The following FNBP1 variants were observed in gnomAD, a reference collection of about 807,000 sequenced individuals.
FNBP1 encodes the protein formin binding protein 1, also known as formin-binding protein 1.
Under a neutral mutation model 90.6 loss-of-function variants are expected in FNBP1, and 26 were observed. The observed-to-expected ratio is 0.29, with a 90% CI of 0.21 to 0.40. The LOEUF (loss-of-function observed/expected upper bound fraction) is 0.40, where lower values mean the gene tolerates loss of function less well. Among genes scored for constraint, FNBP1 ranks in the 10% least tolerant of loss-of-function variants. The pLI is 1.00. For missense variants in FNBP1, 635 were observed against 768.0 expected, an observed-to-expected ratio of 0.83 and a Z score of 2.05; for synonymous variants, 260 against 265.2, an observed-to-expected ratio of 0.98 and a Z score of 0.19.
chr9:129,917,800 CCTGA>C (rs1418805351), intron 10 of FNBP1, among the ~76,000 whole-genome samples: 1 of 152,160 alleles, frequency 6.6e-6, no homozygotes, highest in African/African-American at 2.4e-5. Context: ...CAGTCACATT[CCTGA>C]CTGTCTGACA....
rs571919126 is a variant in FNBP1, at chr9:130,036,088, C to G, written c.24+6864G>C. On this transcript the variant is annotated intron_variant, in intron 1 of 16. Coordinates refer to ENST00000446176, the MANE Select transcript of FNBP1 (RefSeq NM_015033.3). ...AGCTAGTATGAGTGTACAAGTAAAA[C>G]AGGAAACAAATATTCCTTTATAAAC... Among the ~76,000 whole-genome samples the G allele has an allele frequency of 3.9e-5, 6 of 152,056 alleles. No homozygotes were observed. The East Asian group carries it at 9.7e-4, about 24-fold the overall frequency.
upstream of FNBP1, chr9:130,043,197 G>T (rs960786325): frequency 8.3e-5 from 30 of 362,834 alleles, no homozygotes; most frequent in Admixed American, 4.7e-4. Flanking sequence ...CGCGGCCGCC[G>T]CAGCGCCCGC....
chr9:129,970,048 C>T (rs140535653), intron 4 of FNBP1, among the ~76,000 whole-genome samples: 173 of 150,856 alleles, frequency 1.1e-3, no homozygotes, highest in Middle Eastern at 3.4e-3. Flanking sequence ...CCCACCACGC[C>T]TGGCTAAGTT....
upstream of FNBP1, among the ~76,000 whole-genome samples, chr9:130,046,824 G>A (rs2060063465): frequency 4.0e-5 from 6 of 150,584 alleles, no homozygotes; most frequent in South Asian, 1.3e-3. Flanking sequence ...TGCCCAGAGA[G>A]GGCACAGAAG....
At chr9:129,993,507 G>A (rs1027185287) in intron 2 of FNBP1, among the ~76,000 whole-genome samples, 3 of 151,228 alleles carry the variant, frequency 2.0e-5, no homozygotes, top group Non-Finnish European at 4.4e-5. Flanking sequence ...AGAGACAGGG[G>A]GCTCACTATG....
the FNBP1 span, among the ~76,000 whole-genome samples, chr9:130,051,978 T>C: frequency 6.6e-6 from 1 of 152,212 alleles, no homozygotes; most frequent in Admixed American, 6.5e-5. Context: ...GCATAACTTG[T>C]TCTGTTACTC....
intron 12 of FNBP1, among the ~76,000 whole-genome samples, chr9:129,903,277 C>T (rs1200293597): frequency 6.6e-6 from 1 of 152,146 alleles, no homozygotes; most frequent in Non-Finnish European, 1.5e-5. Context: ...GTCTTGAACT[C>T]CTGACCTTAG....
chr9:129,994,724 T>C, intron 2 of FNBP1, 119 bp downstream of exon 2: 1 of 452,334 alleles, frequency 2.2e-6, no homozygotes, highest in Non-Finnish European at 3.9e-6. Flanking sequence ...TCTATTGAAA[T>C]ATTACCTTAC....
chr9:129,897,666 G>A (rs1474646564), intron 15 of FNBP1, among the ~76,000 whole-genome samples: 1 of 152,016 alleles, frequency 6.6e-6, no homozygotes, highest in Non-Finnish European at 1.5e-5. Flanking sequence ...TACGATCATA[G>A]CTCACTGTAG....
chr9:130,048,230 C>T, the FNBP1 span, among the ~76,000 whole-genome samples: 1 of 143,474 alleles, frequency 7.0e-6, no homozygotes, highest in Non-Finnish European at 1.5e-5. Flanking sequence ...GCAGGAGAAT[C>T]GCTTGAACCC....
In FNBP1 at chr9:129,978,519, C is replaced by T. The variant is rs755346144; in HGVS notation, c.291G>A (p.Gln97=). 13 of 1,613,632 alleles carry T rather than the reference C, an allele frequency of 8.1e-6. No individual in the cohort carries two copies. The highest frequency in any genetic ancestry group is 1.3e-5 in the African/African-American group (1 of 74,906). Residue 97 remains glutamine (Q), a synonymous_variant, in exon 4 of 17, where the codon CAG becomes CAA. Coordinates refer to ENST00000446176, the MANE Select transcript of FNBP1 (RefSeq NM_015033.3). ...CATAGCGTGCCAAGTCCACAATGAT[C>T]TGTGATGCCATGTTCTCGGAGATAA... is the stretch of plus-strand genomic sequence containing the variant. ...HEVISENMAS[Q]IIVDLARYVQ...
In FNBP1 at chr9:129,900,579, TA is replaced by T; in HGVS notation, c.1429-33del. 1 of 1,485,104 alleles carries T rather than the reference TA, an allele frequency of 6.7e-7. No individual in the cohort carries two copies. Among genetic ancestry groups the T allele is most frequent in the Non-Finnish European group, 8.9e-7 (1 of 1,120,210 alleles). 92.0% of individuals were successfully genotyped at this position (1,485,104 alleles called of 1,614,324 possible). On this transcript the variant is annotated intron_variant, in intron 13 of 16. Transcript: ENST00000446176. The surrounding 1 kb of genome is among the most constrained non-coding windows in gnomAD (Gnocchi z 4.1). ...ACAAAAGCAATGAGAGACTCCAACC[TA>T]AGGCCATCTGAGGGTCAGCCCAGAG...
intron 2 of FNBP1, among the ~76,000 whole-genome samples, chr9:129,981,205 C>T (rs918954778): frequency 7.9e-5 from 12 of 152,126 alleles, no homozygotes; most frequent in Admixed American, 5.2e-4. Context: ...TCTCCTGCCT[C>T]GCCTCCCGAG....
At chr9:129,943,302 A>T (rs962866067) in intron 6 of FNBP1, among the ~76,000 whole-genome samples, 2 of 151,496 alleles carry the variant, frequency 1.3e-5, no homozygotes, top group Non-Finnish European at 2.9e-5. Flanking sequence ...AGGTGATTTC[A>T]TATATGATGG....
At chr9:129,983,329 A>C (rs538901151) in intron 2 of FNBP1, among the ~76,000 whole-genome samples, 1 of 152,322 alleles carries the variant, frequency 6.6e-6, no homozygotes, top group South Asian at 2.1e-4. Context: ...ATAGCATTCA[A>C]AATGCTTCTT....
rs972668931 is a variant in FNBP1, at chr9:130,004,759, G to A, written c.25-9801C>T. 3.3e-5 allele frequency among the ~76,000 whole-genome samples: 5 copies of A among 152,092 alleles called. 1 individual carries two copies. The highest frequency in any genetic ancestry group is 4.4e-5 in the Non-Finnish European group (3 of 68,032). On this transcript the variant is annotated intron_variant, in intron 1 of 16. Coordinates refer to ENST00000446176, the MANE Select transcript of FNBP1 (RefSeq NM_015033.3). Reference sequence around the variant, plus strand: ...TTAAAGAAGCTGCACTTACAGAAACGTAGAAAGTTTTATAAAACTTTACAG... The same window carrying A: ...TTAAAGAAGCTGCACTTACAGAAACATAGAAAGTTTTATAAAACTTTACAG...
chr9:129,925,845 C>T (rs529937230), intron 8 of FNBP1, among the ~76,000 whole-genome samples: 4 of 151,904 alleles, frequency 2.6e-5, no homozygotes, highest in East Asian at 2.0e-4. Flanking sequence ...CCGCCTGCCT[C>T]GGCTTCCCAA....
At chr9:130,008,858 T>A (rs989019759) in intron 1 of FNBP1, among the ~76,000 whole-genome samples, 5 of 152,014 alleles carry the variant, frequency 3.3e-5, no homozygotes, top group Non-Finnish European at 7.4e-5. Flanking sequence ...CCATAGGTGA[T>A]TCTCTCCCCC....
chr9:129,957,457 C>T lies in FNBP1; in HGVS notation c.416G>A (p.Arg139Lys). Residue 139 changes from arginine to lysine, a missense_variant, in exon 6 of 17, where the codon AGG becomes AAG. By Grantham distance (26) the Arg-to-Lys change is conservative. Coordinates refer to ENST00000446176, the MANE Select transcript of FNBP1 (RefSeq NM_015033.3). The surrounding 1 kb of genome is among the most constrained non-coding windows in gnomAD (Gnocchi z 4.3). ...CTCTTTGCAATCGCGTTCAAATCGC[C>T]TTTTACTCTAAAATCAGAGGAAAAT... ...TCWKQLESSK[R>K]RFERDCKEAD... 6.2e-7 allele frequency: 1 copy of T among 1,612,196 alleles called. No homozygotes were observed. The highest frequency in any genetic ancestry group is 1.1e-5 in the South Asian group (1 of 91,002).
Sources: gnomAD v4.1 joint callset for allele counts (sites outside exome capture counted in the v4.1 genomes callset) on GRCh38, gnomAD v4.1.1 for gene constraint, Gnocchi (gnomAD v3.1) non-coding constraint, MANE v1.5 for transcripts, NCBI Gene and HGNC (gene_info 2026-07-23, HGNC 2026-07-21) for gene names.